Variants in GRSF1 observed in about 807,000 individuals in gnomAD.
The protein encoded by GRSF1 is G-rich RNA sequence binding factor 1.
GRSF1 carries 50 observed loss-of-function variants against 51.1 expected under a neutral mutation model. That is an observed-to-expected ratio of 0.98 (90% CI 0.78 to 1.24). The LOEUF is 1.24. Among genes scored for constraint, GRSF1 ranks in the 50% most tolerant of loss-of-function variants. The pLI is 0.00. For missense variants in GRSF1, 700 were observed against 639.7 expected (o/e 1.09, Z -1.02); for synonymous variants, 293 against 253.3 (o/e 1.16, Z -1.49).
In GRSF1 at chr4:70,839,223, C is replaced by G. The variant is rs746368348; in HGVS notation, c.357+248G>C. 3 of 1,448,282 alleles carry G rather than the reference C, an allele frequency of 2.1e-6. No individual in the cohort carries two copies. The South Asian group carries it at 3.6e-5, about 18-fold the overall frequency. 89.7% of individuals were successfully genotyped at this position (1,448,282 alleles called of 1,614,324 possible). A position where few individuals can be genotyped will look rare whatever the true frequency, so the allele number is the denominator to read the frequency against. On this transcript the variant is annotated intron_variant, in intron 1 of 9. Transcript: ENST00000254799. ...GGCCTCAACATTCACCCCAGCCACA[C>G]TTACACTGCCCAACCGACCAGAGAC... is the stretch of plus-strand genomic sequence containing the variant.
rs114910661 is a variant in GRSF1 at position 70,822,149 on chromosome 4, G to A, written c.*26-1288C>T. On this transcript the variant is annotated intron_variant, in intron 9 of 9. Coordinates refer to ENST00000254799, the MANE Select transcript of GRSF1 (RefSeq NM_002092.4). ...TCAAGATGTATTAAGCAAATCTCAC[G>A]GGTAGGTTAACACTATAAAATTATG... Among the ~76,000 whole-genome samples the A allele has an allele frequency of 1.1e-3, 161 of 152,018 alleles. 1 individual carries two copies. The highest frequency in any genetic ancestry group is 3.7e-3 in the African/African-American group (154 of 41,472).
chr4:70,824,675 C>G (rs138086797), intron 8 of GRSF1, among the ~76,000 whole-genome samples: 5 of 151,980 alleles, frequency 3.3e-5, no homozygotes, highest in Non-Finnish European at 7.4e-5. Flanking sequence ...CCCAGCTACT[C>G]GGGAGGCTGT....
chr4:70,839,160 A>G, intron 1 of GRSF1: 3 of 1,342,194 alleles, frequency 2.2e-6, no homozygotes, highest in African/African-American at 3.0e-5. Context: ...GGGCGTCAGC[A>G]GCCTCACGAA....
chr4:70,836,026 A>G, intron 2 of GRSF1, 132 bp downstream of exon 2: 1 of 516,506 alleles, frequency 1.9e-6, no homozygotes, highest in Non-Finnish European at 3.3e-6. Context: ...GGAAGGTGAC[A>G]GCGTAGTCTG....
chr4:70,827,362 T>C (rs1338797400), intron 6 of GRSF1, among the ~76,000 whole-genome samples: 1 of 152,168 alleles, frequency 6.6e-6, no homozygotes, highest in Admixed American at 6.5e-5. Context: ...AATTTAAATG[T>C]TGACATCTTA....
rs1440324579 is a variant in GRSF1, at chr4:70,827,773, A to ATC, written c.1135+77_1135+78dup. 3.0e-6 allele frequency: 3 copies of ATC among 1,013,454 alleles called. No homozygotes were observed. The African/African-American group carries it at 4.9e-5, about 16-fold the overall frequency. 62.8% of individuals were successfully genotyped at this position (1,013,454 alleles called of 1,614,324 possible). On this transcript the variant is annotated intron_variant, in intron 6 of 9. Transcript: ENST00000254799. Reference sequence around the variant, plus strand: ...CAGCCTGGCAACAGAGCGAGACTTCATCTCAAAAAAAAAAAAATCACAAAA... The same window carrying ATC: ...CAGCCTGGCAACAGAGCGAGACTTCATCTCTCAAAAAAAAAAAAATCACAAAA...
At position 70,819,479 on chromosome 4, in the gene GRSF1, T is replaced by A. The variant is rs182703152; in HGVS notation, c.*1408A>T. The A allele has an allele frequency of 3.3e-5, 5 of 152,294 alleles. No homozygotes were observed. The East Asian group carries it at 9.6e-4, about 29-fold the overall frequency. The allele number at this position is 152,294 out of a possible 1,614,324, so 9.4% of individuals were successfully genotyped here. ...ATTAATATAGCAGGACTTGAGGTAA[T>A]AATATATTCAGTTGACTCACAGACT... On this transcript the variant is annotated 3_prime_UTR_variant, in exon 10 of 10. Transcript: ENST00000254799.
rs1733293763 is a variant in GRSF1, at chr4:70,815,976, T to TA, written c.*4910dup. ...ACAAACATGCTGAGTAAAAGGAACT[T>TA]ACAGAATACATACTGCATAAGTGAG... On this transcript the variant is annotated 3_prime_UTR_variant, in exon 10 of 10. Coordinates refer to ENST00000254799, the MANE Select transcript of GRSF1 (RefSeq NM_002092.4). 1 of 152,200 alleles carries TA rather than the reference T, an allele frequency of 6.6e-6. No individual in the cohort carries two copies. The highest frequency in any genetic ancestry group is 2.4e-5 in the African/African-American group (1 of 41,450). The allele number at this position is 152,200 out of a possible 1,614,324, so 9.4% of individuals were successfully genotyped here.
At chr4:70,839,179 T>C (rs747990014) in intron 1 of GRSF1, 4 of 1,371,754 alleles carry the variant, frequency 2.9e-6, no homozygotes, top group Middle Eastern at 1.9e-4. Flanking sequence ...AAACCTACCA[T>C]GGGCCAGGCG....
intron 1 of GRSF1, among the ~76,000 whole-genome samples, chr4:70,836,774 A>G (rs1232806300): frequency 6.6e-6 from 1 of 152,218 alleles, no homozygotes; most frequent in Non-Finnish European, 1.5e-5. Flanking sequence ...TAACAGATGA[A>G]TCAGGATGTG....
rs1733967023 is a variant in GRSF1, at chr4:70,831,585, T to C, written c.904A>G (p.Met302Val). Residue 302 changes from methionine to valine, a missense_variant, in exon 5 of 10, where the codon ATG (methionine) becomes GTG (valine). Coordinates refer to ENST00000254799, the MANE Select transcript of GRSF1 (RefSeq NM_002092.4). ...EAYVQFEEPE[M>V]ANQALLKHRE... ...TGTTTCAACAGGGCTTGGTTGGCCA[T>C]TTCTGGTTCTTCAAATTGCACATAG... The C allele has an allele frequency of 2.5e-6, 4 of 1,613,700 alleles. No homozygotes were observed. Among genetic ancestry groups the C allele is most frequent in the Non-Finnish European group, 2.5e-6 (3 of 1,179,752 alleles).
chr4:70,820,612 T>C lies in GRSF1; in HGVS notation c.*275A>G, dbSNP rs1019274870. 1.3e-5 allele frequency: 2 copies of C among 152,288 alleles called. No homozygotes were observed. The highest frequency in any genetic ancestry group is 4.8e-5 in the African/African-American group (2 of 41,456). The allele number at this position is 152,288 out of a possible 1,614,324, so 9.4% of individuals were successfully genotyped here. A position where few individuals can be genotyped will look rare whatever the true frequency, so the allele number is the denominator to read the frequency against. ...TCTATGAAAACAAACCATTTAATCA[T>C]ATAAAACAAAGACCATATTTTTAAA... On this transcript the variant is annotated 3_prime_UTR_variant, in exon 10 of 10. Coordinates refer to ENST00000254799, the MANE Select transcript of GRSF1 (RefSeq NM_002092.4).
chr4:70,829,811 C>A (rs968997389), intron 5 of GRSF1, among the ~76,000 whole-genome samples: 2 of 151,740 alleles, frequency 1.3e-5, no homozygotes, highest in African/African-American at 2.4e-5. Context: ...TCTCAAAAAA[C>A]CAAAAAACCT....
rs900448672 is a variant in GRSF1, at chr4:70,823,573, A to G, written c.*25+721T>C. Among the ~76,000 whole-genome samples, 4 of 150,166 alleles carry G rather than the reference A, an allele frequency of 2.7e-5. No individual in the cohort carries two copies. In the South Asian group the frequency reaches 8.4e-4, roughly 31 times the overall value. ...TTCAATTATCATTAGTTTGATCTTT[A>G]TTAAAAAGGAATGGTGCCAGGCGGG... is the stretch of plus-strand genomic sequence containing the variant. On this transcript the variant is annotated intron_variant, in intron 9 of 9. Transcript: ENST00000254799.
chr4:70,837,441 G>A (rs1473513796), intron 1 of GRSF1, among the ~76,000 whole-genome samples: 2 of 150,862 alleles, frequency 1.3e-5, no homozygotes, highest in African/African-American at 2.4e-5. Flanking sequence ...GCGTGTGCCC[G>A]TAATCCCAGC....
chr4:70,839,717 G>A lies in GRSF1; in HGVS notation c.111C>T (p.Gly37=). 6.7e-7 allele frequency: 1 copy of A among 1,494,000 alleles called. No individual in the cohort carries two copies. Among genetic ancestry groups the A allele is most frequent in the Non-Finnish European group, 8.8e-7 (1 of 1,130,060 alleles). The allele number at this position is 1,494,000 out of a possible 1,614,324, so 92.5% of individuals were successfully genotyped here. The change falls in exon 1 of 10, where the codon GGC becomes GGT. Residue 37 remains glycine, a synonymous_variant. Coordinates refer to ENST00000254799, the MANE Select transcript of GRSF1 (RefSeq NM_002092.4). The part of the protein sequence containing the change: ...AACLPFYSAA[G]SIPSGVSGRR... ...GGCCCGAGACGCCCGACGGGATAGA[G>A]CCAGCGGCGGAGTAGAAGGGCAGGC...
In GRSF1 at chr4:70,815,837, A is replaced by ATTGTTCACCAGTTAG. The variant is rs1733289681; in HGVS notation, c.*5035_*5049dup. The ATTGTTCACCAGTTAG allele has an allele frequency of 6.6e-6, 1 of 152,220 alleles. No homozygotes were observed. Among genetic ancestry groups the ATTGTTCACCAGTTAG allele is most frequent in the Non-Finnish European group, 1.5e-5 (1 of 68,030 alleles). The allele number at this position is 152,220 out of a possible 1,614,324, so 9.4% of individuals were successfully genotyped here. ...GATAGCCCCAAACTAGAAACAGCCC[A>ATTGTTCACCAGTTAG]TTGTTCACCAGTTAGTTGTTCACCT... On this transcript the variant is annotated 3_prime_UTR_variant, in exon 10 of 10. Coordinates refer to ENST00000254799, the MANE Select transcript of GRSF1 (RefSeq NM_002092.4).
chr4:70,840,993 G>T (rs60900769), upstream of GRSF1, among the ~76,000 whole-genome samples: 1 of 152,136 alleles, frequency 6.6e-6, no homozygotes, highest in Non-Finnish European at 1.5e-5. Context: ...GGAGAACTTC[G>T]TTGTTTTAAA....
intron 1 of GRSF1, among the ~76,000 whole-genome samples, chr4:70,837,648 CTTTTT>C (rs1465875242): frequency 1.1e-4 from 16 of 145,490 alleles, no homozygotes; most frequent in Non-Finnish European, 1.7e-4. Flanking sequence ...CTTTTCTTTT[CTTTTT>C]TCTTGAGACG....
Sources: gnomAD v4.1 joint callset for allele counts (sites outside exome capture counted in the v4.1 genomes callset) on GRCh38, gnomAD v4.1.1 for gene constraint, MANE v1.5 for transcripts, NCBI Gene and HGNC (gene_info 2026-07-23, HGNC 2026-07-21) for gene names.